The following CFAP251 variants were observed in gnomAD, a reference collection of about 807,000 sequenced individuals.
CFAP251 encodes the protein cilia- and flagella-associated protein 251.
A neutral mutation model predicts 126.7 loss-of-function variants in CFAP251; 93 were observed. That is an observed-to-expected ratio of 0.73 (90% CI 0.62 to 0.87). CFAP251 has a LOEUF of 0.87. Ranked by LOEUF, CFAP251 falls within the 40% of genes least tolerant of loss-of-function variation. The pLI is 0.00. For synonymous variants in CFAP251, 503 were observed against 506.9 expected (o/e 0.99, Z 0.10); for missense variants, 1,287 against 1,389.2 (o/e 0.93, Z 1.17).
In CFAP251 at chr12:121,928,338, A is replaced by G. The variant is rs140544728; in HGVS notation, c.748-3408A>G. Among the ~76,000 whole-genome samples the G allele has an allele frequency of 1.4e-4, 21 of 152,184 alleles. No homozygotes were observed. In the East Asian group the frequency reaches 4.1e-3, roughly 29 times the overall value. On this transcript the variant is annotated intron_variant, in intron 3 of 21. Coordinates refer to ENST00000288912, the MANE Select transcript of CFAP251 (RefSeq NM_144668.6). ...TAATTCTACCACTCACACCCACACAATAAGAGATCTAAATATAAATATAAA... is the reference window on the plus strand; with the variant it reads ...TAATTCTACCACTCACACCCACACAGTAAGAGATCTAAATATAAATATAAA...
intron 21 of CFAP251, among the ~76,000 whole-genome samples, chr12:122,002,120 C>T (rs1230393649): frequency 6.6e-6 from 1 of 151,842 alleles, no homozygotes; most frequent in Non-Finnish European, 1.5e-5. Context: ...TTTGGGAGGC[C>T]GAGGAGGGTG....
At chr12:121,975,409 CT>C in intron 18 of CFAP251, 75 bp downstream of exon 18, 1 of 1,568,996 alleles carries the variant, frequency 6.4e-7, no homozygotes, top group Non-Finnish European at 8.7e-7. Flanking sequence ...CAGGGTTAAC[CT>C]TGCTTTATTC....
chr12:121,927,839 A>G (rs1880481747), intron 3 of CFAP251, among the ~76,000 whole-genome samples: 1 of 152,202 alleles, frequency 6.6e-6, no homozygotes. Flanking sequence ...GCAATCATGT[A>G]TTTATGAGCA....
At chr12:121,998,574 C>T (rs1276869706) in intron 19 of CFAP251, 1 of 149,040 alleles carries the variant, frequency 6.7e-6, no homozygotes, top group African/African-American at 2.5e-5. Context: ...CCTAATTTCC[C>T]TGGCTAGAAC....
intron 19 of CFAP251, among the ~76,000 whole-genome samples, chr12:121,977,046 T>C (rs141379749): frequency 7.1e-4 from 108 of 152,376 alleles, no homozygotes; most frequent in African/African-American, 2.3e-3. Context: ...TTCTGAGAAC[T>C]GTGTCATTAA....
chr12:121,957,097 A>T lies in CFAP251; in HGVS notation c.1559A>T (p.Lys520Met). The stretch of plus-strand genomic sequence containing the variant: ...AGCTACATTGTCACAGGTGACATTA[A>T]GGGGAACATTAAGTTCTATGATCAC... ...IDSYIVTGDI[K>M]GNIKFYDHTL... Residue 520 changes from lysine (K) to methionine (M), a missense_variant, in exon 11 of 22, where the codon AAG (lysine) becomes ATG (methionine). Lys to Met is a moderately conservative substitution (Grantham distance 95). Transcript: ENST00000288912. The T allele has an allele frequency of 1.9e-6, 3 of 1,600,452 alleles. No individual in the cohort carries two copies. The highest frequency in any genetic ancestry group is 2.6e-6 in the Non-Finnish European group (3 of 1,175,378).
chr12:121,980,637 C>T (rs552443653), intron 19 of CFAP251, among the ~76,000 whole-genome samples: 13 of 152,246 alleles, frequency 8.5e-5, no homozygotes, highest in Admixed American at 5.2e-4. Flanking sequence ...CATGAGCCAC[C>T]GCTCCCTGAC....
intron 7 of CFAP251, among the ~76,000 whole-genome samples, chr12:121,944,955 T>G (rs56304060): frequency 1.3e-5 from 2 of 151,878 alleles, no homozygotes; most frequent in African/African-American, 4.9e-5. Context: ...GCTAATTTTT[T>G]AATTTTTTTC....
At chr12:121,940,872 G>GT (rs2135761779) in intron 5 of CFAP251, among the ~76,000 whole-genome samples, 1 of 152,206 alleles carries the variant, frequency 6.6e-6, no homozygotes, top group South Asian at 2.1e-4. Flanking sequence ...TTCCTCCAGA[G>GT]TTTTTTCAAT....
At position 121,923,978 on chromosome 12, in the gene CFAP251, G is replaced by T; in HGVS notation, c.735G>T (p.Pro245=). Residue 245 remains proline, a synonymous_variant, in exon 3 of 22, where the codon CCG becomes CCT. Transcript: ENST00000288912. The part of the protein sequence containing the change: ...DILFQKDKST[P]VYPLTMTWSF... ...TGTTTCAAAAGGATAAAAGCACCCC[G>T]GTGTATCCCTTGGTAAGTGTAATGC... The T allele has an allele frequency of 1.2e-6, 2 of 1,608,804 alleles. No homozygotes were observed. The highest frequency in any genetic ancestry group is 1.7e-6 in the Non-Finnish European group (2 of 1,177,918).
At chr12:122,001,055 C>CTTTT (rs1177422104) in intron 20 of CFAP251, among the ~76,000 whole-genome samples, 2 of 117,414 alleles carry the variant, frequency 1.7e-5, no homozygotes, top group African/African-American at 6.1e-5. Flanking sequence ...GTTTTTGTTG[C>CTTTT]TTTTTTTTTT....
rs1442797788 is a variant in CFAP251 at position 121,954,117 on chromosome 12, C to T, written c.1321-3C>T. ...AGTAACTATAACCTTTCTTTTGAAA[C>T]AGACCTTCAACAAGCTTGTGGGAAA... On this transcript the variant is annotated splice_region_variant and splice_polypyrimidine_tract_variant and intron_variant, in intron 9 of 21. Transcript: ENST00000288912. 1 of 1,612,986 alleles carries T rather than the reference C, an allele frequency of 6.2e-7. No homozygotes were observed. Among genetic ancestry groups the T allele is most frequent in the East Asian group, 2.2e-5 (1 of 44,864 alleles).
Position 121,977,918 on chromosome 12 carries a change from C to T in CFAP251, c.3006+2233C>T, listed in dbSNP as rs1186502176. Among the ~76,000 whole-genome samples the T allele has an allele frequency of 2.0e-5, 3 of 150,958 alleles. No homozygotes were observed. In the East Asian group the frequency reaches 5.8e-4, roughly 29 times the overall value. On this transcript the variant is annotated intron_variant, in intron 19 of 21. Coordinates refer to ENST00000288912, the MANE Select transcript of CFAP251 (RefSeq NM_144668.6). The stretch of plus-strand genomic sequence containing the variant: ...AGCTTGTAGTGAGCCGAGATTGCGC[C>T]ACTGCACTCCAGCCTGGGTGACAGA...
In CFAP251 at chr12:121,989,870, T is replaced by C. The variant is rs761683635; in HGVS notation, c.3007-9846T>C. On this transcript the variant is annotated intron_variant, in intron 19 of 21. Transcript: ENST00000288912. The surrounding 1 kb of genome is among the most constrained non-coding windows in gnomAD (Gnocchi z 4.2). Reference sequence around the variant, plus strand: ...CCATTTAATAGGGAGGTTGTAAAACTTAATTATAGAACATAATTCTAAGGA... The same window carrying C: ...CCATTTAATAGGGAGGTTGTAAAACCTAATTATAGAACATAATTCTAAGGA... Among the ~76,000 whole-genome samples the C allele has an allele frequency of 2.0e-5, 3 of 152,150 alleles. No individual in the cohort carries two copies. Among genetic ancestry groups the C allele is most frequent in the Non-Finnish European group, 4.4e-5 (3 of 68,022 alleles).
chr12:121,923,011 G>A (rs1335927146), intron 2 of CFAP251, among the ~76,000 whole-genome samples: 2 of 151,992 alleles, frequency 1.3e-5, no homozygotes, highest in African/African-American at 4.8e-5. Flanking sequence ...TAGCCAGGAT[G>A]GTCTCGATCT....
At chr12:121,928,646 A>G (rs377634054) in intron 3 of CFAP251, among the ~76,000 whole-genome samples, 3 of 20,870 alleles carry the variant, frequency 1.4e-4, no homozygotes, top group African/African-American at 3.3e-4. Context: ...ACGTATATAT[A>G]TATATATATA....
At chr12:121,965,821 T>TTA (rs35727266) in intron 15 of CFAP251, among the ~76,000 whole-genome samples, 2 of 108,966 alleles carry the variant, frequency 1.8e-5, no homozygotes, top group African/African-American at 3.6e-5. Context: ...CTTCTTCTTC[T>TTA]TTTTTTTTTT....
At chr12:121,924,426 C>CTTTTT (rs59759704) in intron 3 of CFAP251, among the ~76,000 whole-genome samples, 1 of 90,284 alleles carries the variant, frequency 1.1e-5, no homozygotes, top group African/African-American at 5.7e-5. Context: ...AGACTTGTGT[C>CTTTTT]TTTTTTTTTT....
intron 14 of CFAP251, among the ~76,000 whole-genome samples, chr12:121,961,714 T>G (rs1170178670): frequency 1.3e-5 from 2 of 152,206 alleles, no homozygotes; most frequent in South Asian, 4.1e-4. Context: ...CAGTACCCCT[T>G]TGCAGGGAAG....
Sources: gnomAD v4.1 joint callset for allele counts (sites outside exome capture counted in the v4.1 genomes callset) on GRCh38, gnomAD v4.1.1 for gene constraint, Gnocchi (gnomAD v3.1) non-coding constraint, MANE v1.5 for transcripts, NCBI Gene and HGNC (gene_info 2026-07-23, HGNC 2026-07-21) for gene names.